Variants in BCKDHA observed in about 807,000 individuals in gnomAD.
BCKDHA encodes the protein branched chain keto acid dehydrogenase E1 subunit alpha, also known as 2-oxoisovalerate dehydrogenase subunit alpha, mitochondrial.
A neutral mutation model predicts 52.2 loss-of-function variants in BCKDHA; 43 were observed. That is an observed-to-expected ratio of 0.82 (90% confidence interval 0.64 to 1.06). The LOEUF (loss-of-function observed/expected upper bound fraction) is 1.06. BCKDHA is among the 50% of genes least tolerant of loss of function. The pLI, the probability that BCKDHA is intolerant of heterozygous loss-of-function variation, is 0.00. For missense variants in BCKDHA, 527 were observed against 621.3 expected (o/e 0.85, Z 1.61); for synonymous variants, 234 against 247.9 (o/e 0.94, Z 0.53).
chr19:41,419,076 G>T, intron 4 of BCKDHA, 59 bp from the exon 5 acceptor site: 3 of 1,598,946 alleles, frequency 1.9e-6, no homozygotes, highest in Non-Finnish European at 2.6e-6. Context: ...GTCACCCACA[G>T]GGCTGAACTG....
In BCKDHA at chr19:41,424,409, A is replaced by G. The variant is rs202182214; in HGVS notation, c.1168-29A>G. On this transcript the variant is annotated intron_variant, in intron 8 of 8. Coordinates refer to ENST00000269980, the MANE Select transcript of BCKDHA (RefSeq NM_000709.4). ...CAGGGTCCTGCATGGGAGGCCGGCT[A>G]GCCTGCCCACTGCCCCATGTCCCCA... is the stretch of plus-strand genomic sequence containing the variant. The G allele has an allele frequency of 1.9e-6, 3 of 1,613,254 alleles. No homozygotes were observed. The African/African-American group carries it at 4.0e-5, about 21-fold the overall frequency.
At position 41,424,830 on chromosome 19, in the gene BCKDHA, C is replaced by T. The variant is rs913028444; in HGVS notation, c.*222C>T. ...CAGTTGCTGAGGCTCCGTCAGCCCCCTCTTCACCTGTTGTTACAGTGCCTT... is the reference window on the plus strand; with the variant it reads ...CAGTTGCTGAGGCTCCGTCAGCCCCTTCTTCACCTGTTGTTACAGTGCCTT... On this transcript the variant is annotated 3_prime_UTR_variant, in exon 9 of 9. Coordinates refer to ENST00000269980, the MANE Select transcript of BCKDHA (RefSeq NM_000709.4). 7 of 543,180 alleles carry T rather than the reference C, an allele frequency of 1.3e-5. No homozygotes were observed. The highest frequency in any genetic ancestry group is 9.5e-5 in the African/African-American group (5 of 52,908). The allele number at this position is 543,180 out of a possible 1,614,324, so 33.6% of individuals were successfully genotyped here.
intron 3 of BCKDHA, among the ~76,000 whole-genome samples, chr19:41,411,542 G>T (rs1321835141): frequency 6.6e-6 from 1 of 152,120 alleles, no homozygotes; most frequent in Non-Finnish European, 1.5e-5. Context: ...GAGGGAAGGC[G>T]GAAGGCCAGA....
intron 1 of BCKDHA, among the ~76,000 whole-genome samples, chr19:41,403,955 G>A (rs2039165132): frequency 6.6e-6 from 1 of 152,098 alleles, no homozygotes; most frequent in Non-Finnish European, 1.5e-5. Flanking sequence ...AATTTTATGT[G>A]AGTATTTACT....
intron 5 of BCKDHA, 149 bp downstream of exon 5, chr19:41,419,445 A>AT: frequency 1.8e-6 from 2 of 1,109,684 alleles, no homozygotes; most frequent in Middle Eastern, 2.9e-4. Flanking sequence ...TCTTCTTCTT[A>AT]TTTTTTTCTT....
chr19:41,397,999 AGT>A, intron 1 of BCKDHA, 64 bp downstream of exon 1: 1 of 1,385,364 alleles, frequency 7.2e-7, no homozygotes, highest in Non-Finnish European at 1.0e-6. Flanking sequence ...CTATCTTCAG[AGT>A]GTGGGGTCCC....
Position 41,423,010 on chromosome 19 carries a change from C to A in BCKDHA, c.1008C>A (p.His336Gln), listed in dbSNP as rs1225690355. ...IEAMTYRIGH[H>Q]STSDDSSAYR... ...TGCCCCTGTGCAGGATCGGGCACCACAGCACCAGTGACGACAGTTCAGCGT... is the reference window on the plus strand; with the variant it reads ...TGCCCCTGTGCAGGATCGGGCACCAAAGCACCAGTGACGACAGTTCAGCGT... Residue 336 changes from histidine (H) to glutamine (Q), a missense_variant, in exon 8 of 9, where the codon CAC becomes CAA. Coordinates refer to ENST00000269980, the MANE Select transcript of BCKDHA (RefSeq NM_000709.4). 6.2e-7 allele frequency: 1 copy of A among 1,609,592 alleles called. No homozygotes were observed.
chr19:41,404,652 G>C (rs982156288), intron 1 of BCKDHA, among the ~76,000 whole-genome samples: 12 of 151,484 alleles, frequency 7.9e-5, no homozygotes, highest in African/African-American at 2.9e-4. Context: ...GGAGTGCAGT[G>C]GTGCGATCTT....
At chr19:41,424,346 G>C in intron 8 of BCKDHA, 92 bp from the exon 9 acceptor site, 1 of 1,402,502 alleles carries the variant, frequency 7.1e-7, no homozygotes, top group East Asian at 2.3e-5. Flanking sequence ...CAAAGGCTTG[G>C]AGTGGTTAAT....
In BCKDHA at chr19:41,422,146, C is replaced by T; in HGVS notation, c.647-18C>T. 2 of 1,610,354 alleles carry T rather than the reference C, an allele frequency of 1.2e-6. No individual in the cohort carries two copies. Among genetic ancestry groups the T allele is most frequent in the Non-Finnish European group, 1.7e-6 (2 of 1,178,234 alleles). ...TGTGAGTCTCCGCCCCTGCTCACCA[C>T]CCTCTCATCCCCTGCAGCGGTGGGG... is the stretch of plus-strand genomic sequence containing the variant. On this transcript the variant is annotated intron_variant, in intron 5 of 8. Coordinates refer to ENST00000269980, the MANE Select transcript of BCKDHA (RefSeq NM_000709.4).
At chr19:41,409,861 C>T (rs962259351) in intron 1 of BCKDHA, among the ~76,000 whole-genome samples, 2 of 139,146 alleles carry the variant, frequency 1.4e-5, no homozygotes, top group Non-Finnish European at 1.5e-5. Flanking sequence ...AGTGCTATGG[C>T]GCAATCTCGG....
chr19:41,417,668 T>C (rs143284904), intron 4 of BCKDHA, among the ~76,000 whole-genome samples: 4,174 of 152,214 alleles, frequency 0.027, 174 homozygotes, highest in African/African-American at 0.094. Context: ...CTCACACCTG[T>C]AATTGCAGCA....
intron 4 of BCKDHA, 68 bp downstream of exon 4, chr19:41,414,225 C>A: frequency 6.9e-7 from 1 of 1,439,846 alleles, no homozygotes; most frequent in Non-Finnish European, 9.7e-7. Flanking sequence ...TCTGAGTGTT[C>A]TTCCAGGAGC....
chr19:41,411,147 G>A, intron 3 of BCKDHA, 138 bp downstream of exon 3: 1 of 923,982 alleles, frequency 1.1e-6, no homozygotes, highest in Non-Finnish European at 1.7e-6. Flanking sequence ...GGTTCTCTTG[G>A]GACTCTGGAG....
chr19:41,413,912 C>A, intron 3 of BCKDHA, 137 bp from the exon 4 acceptor site: 1 of 763,168 alleles, frequency 1.3e-6, no homozygotes, highest in Non-Finnish European at 2.3e-6. Context: ...GGAACCCCAG[C>A]ATGGCCTGGC....
At chr19:41,398,511 A>G (rs1382212810) in intron 1 of BCKDHA, among the ~76,000 whole-genome samples, 1 of 152,194 alleles carries the variant, frequency 6.6e-6, no homozygotes, top group African/African-American at 2.4e-5. Context: ...TGTTCTGGAC[A>G]CTGTACAGAG....
At chr19:41,397,965 C>A (rs773084308) in intron 1 of BCKDHA, 30 bp downstream of exon 1, 27 of 1,585,962 alleles carry the variant, frequency 1.7e-5, no homozygotes, top group Middle Eastern at 1.7e-4. Context: ...GCGGTTTTCC[C>A]AAAGGGGATT....
intron 5 of BCKDHA, among the ~76,000 whole-genome samples, chr19:41,420,894 G>C (rs989129003): frequency 6.6e-6 from 1 of 152,216 alleles, no homozygotes; most frequent in South Asian, 2.1e-4. Context: ...GTCCTCCGGG[G>C]CCTGTAGCCT....
rs2039376515 is a variant in BCKDHA, at chr19:41,422,345, T to G, written c.828T>G (p.Ser276=). The stretch of plus-strand genomic sequence containing the variant: ...GCTACGCCATCTCCACGCCCACCTC[T>G]GAGCAGTATCGCGGCGATGGCATTG... ...NNGYAISTPT[S]EQYRGDGIAA... The change falls in exon 6 of 9, where the codon TCT becomes TCG. Residue 276 remains serine, a synonymous_variant. Coordinates refer to ENST00000269980, the MANE Select transcript of BCKDHA (RefSeq NM_000709.4). The G allele has an allele frequency of 3.1e-6, 5 of 1,614,190 alleles. No homozygotes were observed. The East Asian group carries it at 8.9e-5, about 29-fold the overall frequency.
Sources: allele counts gnomAD v4.1 joint callset (sites outside exome capture counted in the v4.1 genomes callset), GRCh38; gene constraint gnomAD v4.1.1; transcripts MANE v1.5; gene names NCBI Gene and HGNC (gene_info 2026-07-23, HGNC 2026-07-21).